The following MSANTD5 variants were observed in gnomAD, a reference collection of about 807,000 sequenced individuals.
MSANTD5 encodes Myb/SANT DNA binding domain containing 5.
upstream of MSANTD5, among the ~76,000 whole-genome samples, chr5:178,699,212 G>C (rs1319119716): frequency 6.6e-6 from 1 of 152,062 alleles, no homozygotes; most frequent in Non-Finnish European, 1.5e-5. Context: ...AGAAACTTTA[G>C]GCACCTCAGC....
chr5:178,701,269 G>A (rs926468519), upstream of MSANTD5, among the ~76,000 whole-genome samples: 4 of 152,146 alleles, frequency 2.6e-5, no homozygotes, highest in African/African-American at 7.2e-5. Context: ...GAGCCACGAT[G>A]CCCAGCTGGG....
chr5:178,692,497 A>T (rs1765367520), downstream of MSANTD5, among the ~76,000 whole-genome samples: 1 of 152,078 alleles, frequency 6.6e-6, no homozygotes, highest in African/African-American at 2.4e-5. Flanking sequence ...GAGGATTATA[A>T]CAGCTTTACT....
chr5:178,704,354 C>T, the MSANTD5 span, among the ~76,000 whole-genome samples: 2 of 152,112 alleles, frequency 1.3e-5, no homozygotes, highest in South Asian at 4.1e-4. Flanking sequence ...GTGGAGCCCT[C>T]CTGCATAGGA....
chr5:178,707,431 A>G, the MSANTD5 span, among the ~76,000 whole-genome samples: 1 of 151,756 alleles, frequency 6.6e-6, no homozygotes, highest in Non-Finnish European at 1.5e-5. Flanking sequence ...AATTGTTTGC[A>G]CTTCTGGCGG....
downstream of MSANTD5, among the ~76,000 whole-genome samples, chr5:178,693,976 T>G (rs974452058): frequency 1.6e-4 from 24 of 152,012 alleles, no homozygotes; most frequent in African/African-American, 5.8e-4. Context: ...TGAAGTAAGA[T>G]ATCAGCTTTA....
At chr5:178,694,100 T>C (rs1581732378), downstream of MSANTD5, among the ~76,000 whole-genome samples, 1 of 151,932 alleles carries the variant, frequency 6.6e-6, no homozygotes, top group African/African-American at 2.4e-5. Flanking sequence ...GTGGATCACC[T>C]GAGGTCAGGA....
At chr5:178,692,288 G>A (rs1314096718), downstream of MSANTD5, among the ~76,000 whole-genome samples, 3 of 149,842 alleles carry the variant, frequency 2.0e-5, no homozygotes, top group Non-Finnish European at 3.0e-5. Context: ...GCTGAGGCAG[G>A]AGAGTTGCTT....
At chr5:178,705,282 G>A in the MSANTD5 span, among the ~76,000 whole-genome samples, 1 of 151,898 alleles carries the variant, frequency 6.6e-6, no homozygotes, top group Non-Finnish European at 1.5e-5. Context: ...TCCTGACCTC[G>A]TGATCTGCCC....
At chr5:178,693,912 GAACTT>G (rs1488578104), downstream of MSANTD5, among the ~76,000 whole-genome samples, 2 of 151,962 alleles carry the variant, frequency 1.3e-5, no homozygotes, top group African/African-American at 4.8e-5. Context: ...GTGGAAAAAT[GAACTT>G]AACACACAGT....
intron 1 of MSANTD5, among the ~76,000 whole-genome samples, chr5:178,697,371 C>G (rs13360580): frequency 0.024 from 3,660 of 151,764 alleles, 148 homozygotes; most frequent in African/African-American, 0.082. Context: ...GGAGAATGGC[C>G]TGAACCCGGG....
chr5:178,697,343 A>G (rs960172720), intron 1 of MSANTD5, among the ~76,000 whole-genome samples: 1 of 151,668 alleles, frequency 6.6e-6, no homozygotes, highest in Non-Finnish European at 1.5e-5. Flanking sequence ...AGTCCCAGCT[A>G]CTCGGGAGGC....
the MSANTD5 span, among the ~76,000 whole-genome samples, chr5:178,703,318 G>A: frequency 6.6e-6 from 1 of 152,184 alleles, no homozygotes; most frequent in South Asian, 2.1e-4. Flanking sequence ...GATGCGCTTG[G>A]CTTGCATGAG....
downstream of MSANTD5, among the ~76,000 whole-genome samples, chr5:178,693,028 G>A (rs185375584): frequency 1.5e-3 from 227 of 152,024 alleles, 2 homozygotes; most frequent in African/African-American, 4.4e-3. Flanking sequence ...ATAAGACCAC[G>A]GGCTGGGTTC....
the MSANTD5 span, among the ~76,000 whole-genome samples, chr5:178,703,563 C>T: frequency 6.6e-6 from 1 of 152,242 alleles, no homozygotes. Flanking sequence ...TACAAATATA[C>T]AGTTCGATAA....
chr5:178,700,499 T>C (rs1183454697), upstream of MSANTD5, among the ~76,000 whole-genome samples: 1 of 149,590 alleles, frequency 6.7e-6, no homozygotes, highest in Non-Finnish European at 1.5e-5. Flanking sequence ...GGCTTTGCCA[T>C]GAACTACACT....
the MSANTD5 span, chr5:178,706,917 T>G: frequency 4.6e-5 from 7 of 152,096 alleles, no homozygotes; most frequent in African/African-American, 1.7e-4. Context: ...ATATTCAACC[T>G]CCAGCAATTC....
At chr5:178,695,350 A>G (rs1196481963) in exon 3 of MSANTD5, 1 of 152,272 alleles carries the variant, frequency 6.6e-6, no homozygotes, top group Non-Finnish European at 1.5e-5. Context: ...CCATAAGGAC[A>G]TGGCAAGGGT....
At chr5:178,698,498 C>T (rs1765443658), upstream of MSANTD5, among the ~76,000 whole-genome samples, 1 of 152,152 alleles carries the variant, frequency 6.6e-6, no homozygotes, top group African/African-American at 2.4e-5. Context: ...TCAGCACAAT[C>T]CTAAGATTCA....
chr5:178,696,823 A>T (rs1358065357), intron 1 of MSANTD5, among the ~76,000 whole-genome samples: 1 of 151,882 alleles, frequency 6.6e-6, no homozygotes, highest in Non-Finnish European at 1.5e-5. Flanking sequence ...AAGCAGAGAG[A>T]GCTCTGTGGA....
Sources: gnomAD v4.1 joint callset for allele counts (sites outside exome capture counted in the v4.1 genomes callset) on GRCh38, gnomAD v4.1.1 for gene constraint, MANE v1.5 for transcripts, NCBI Gene and HGNC (gene_info 2026-07-23, HGNC 2026-07-21) for gene names.